The following RSRC1 variants were observed in gnomAD, a reference collection of about 807,000 sequenced individuals.
RSRC1 encodes the protein arginine and serine rich coiled-coil 1.
Under a neutral mutation model 49.1 loss-of-function variants are expected in RSRC1, and 39 were observed. The ratio of observed to expected loss-of-function variants is 0.79; its 90% CI spans 0.61 to 1.04. The LOEUF (loss-of-function observed/expected upper bound fraction) is 1.04. Ranked by LOEUF, RSRC1 falls within the 50% of genes least tolerant of loss-of-function variation. The pLI, the probability that RSRC1 is intolerant of heterozygous loss-of-function variation, is 0.00. For synonymous variants in RSRC1, 143 were observed against 130.8 expected (o/e 1.09, Z -0.63); for missense variants, 388 against 402.4 (o/e 0.96, Z 0.31).
chr3:158,281,104 A>G (rs1726134619), intron 4 of RSRC1, among the ~76,000 whole-genome samples: 2 of 113,372 alleles, frequency 1.8e-5, no homozygotes, highest in South Asian at 6.3e-4. Context: ...GTTGATATAA[A>G]TATAGATAGT....
At chr3:158,529,098 A>T (rs1010954830) in intron 7 of RSRC1, among the ~76,000 whole-genome samples, 1 of 151,380 alleles carries the variant, frequency 6.6e-6, no homozygotes, top group African/African-American at 2.4e-5. Flanking sequence ...CCCTTTAAAA[A>T]TTTCAAATGT....
chr3:158,331,237 A>G (rs1370115797), intron 5 of RSRC1, among the ~76,000 whole-genome samples: 1 of 152,222 alleles, frequency 6.6e-6, no homozygotes, highest in Non-Finnish European at 1.5e-5. Context: ...GCTGTCATTT[A>G]TATTTTTCAC....
At chr3:158,521,704 A>G (rs1000660087) in intron 7 of RSRC1, among the ~76,000 whole-genome samples, 37 of 151,190 alleles carry the variant, frequency 2.4e-4, no homozygotes, top group African/African-American at 8.5e-4. Flanking sequence ...TTATATTGCA[A>G]TTTTATGACT....
chr3:158,330,335 A>G (rs1309088507), intron 5 of RSRC1, among the ~76,000 whole-genome samples: 1 of 152,222 alleles, frequency 6.6e-6, no homozygotes, highest in African/African-American at 2.4e-5. Context: ...GGAGCTGTAG[A>G]CTGGAGCTGT....
At chr3:158,536,023 C>G (rs1277552006) in intron 7 of RSRC1, among the ~76,000 whole-genome samples, 1 of 151,334 alleles carries the variant, frequency 6.6e-6, no homozygotes, top group Non-Finnish European at 1.5e-5. Context: ...AAGCAACAAA[C>G]AATGTTGCTA....
intron 6 of RSRC1, among the ~76,000 whole-genome samples, chr3:158,357,750 C>T (rs1476995123): frequency 1.3e-5 from 2 of 152,066 alleles, no homozygotes; most frequent in African/African-American, 4.8e-5. Flanking sequence ...TCTAGTAGTA[C>T]CCATTGTCAC....
chr3:158,269,564 G>A (rs1034416177), intron 4 of RSRC1, among the ~76,000 whole-genome samples: 14 of 151,854 alleles, frequency 9.2e-5, no homozygotes, highest in Non-Finnish European at 1.6e-4. Flanking sequence ...CCAGGCTGAA[G>A]TGCAGTGGCA....
intron 5 of RSRC1, among the ~76,000 whole-genome samples, chr3:158,347,977 A>C (rs1412397529): frequency 6.6e-6 from 1 of 152,252 alleles, no homozygotes; most frequent in African/African-American, 2.4e-5. Flanking sequence ...TAATAATCAC[A>C]TCAGAGTAAA....
intron 4 of RSRC1, among the ~76,000 whole-genome samples, chr3:158,230,342 C>T (rs552383670): frequency 6.8e-4 from 104 of 152,208 alleles, no homozygotes; most frequent in African/African-American, 2.5e-3. Flanking sequence ...TTGATCATTT[C>T]ATGAAGGTCC....
At chr3:158,294,349 T>G (rs1048324002) in intron 4 of RSRC1, among the ~76,000 whole-genome samples, 4 of 152,174 alleles carry the variant, frequency 2.6e-5, no homozygotes, top group Non-Finnish European at 5.9e-5. Flanking sequence ...TAATACCCAC[T>G]ATCATATATT....
chr3:158,315,460 A>T (rs576161896), intron 5 of RSRC1, among the ~76,000 whole-genome samples: 2 of 152,310 alleles, frequency 1.3e-5, no homozygotes, highest in African/African-American at 4.8e-5. Flanking sequence ...TAAGAAAGAG[A>T]TAGGCTATAT....
intron 4 of RSRC1, among the ~76,000 whole-genome samples, chr3:158,245,993 T>C (rs1723865393): frequency 6.6e-6 from 1 of 152,182 alleles, no homozygotes; most frequent in Admixed American, 6.5e-5. Flanking sequence ...TGTATCCATC[T>C]TGCCATTGTG....
intron 6 of RSRC1, among the ~76,000 whole-genome samples, chr3:158,435,430 C>T (rs1735993629): frequency 6.6e-6 from 1 of 151,424 alleles, no homozygotes; most frequent in South Asian, 2.1e-4. Context: ...GAAAATTGTT[C>T]CTTATGTATC....
At chr3:158,505,086 AT>A (rs1216669854) in intron 7 of RSRC1, among the ~76,000 whole-genome samples, 1 of 152,252 alleles carries the variant, frequency 6.6e-6, no homozygotes, top group Non-Finnish European at 1.5e-5. Flanking sequence ...ACAGTTGTTC[AT>A]TACACAGTTG....
chr3:158,146,635 T>C (rs1215534272), intron 3 of RSRC1, among the ~76,000 whole-genome samples: 1 of 152,202 alleles, frequency 6.6e-6, no homozygotes, highest in African/African-American at 2.4e-5. Context: ...AGGATGATGC[T>C]GGCCTCATAA....
chr3:158,500,228 G>C (rs1018131507), intron 7 of RSRC1, among the ~76,000 whole-genome samples: 3 of 152,056 alleles, frequency 2.0e-5, no homozygotes, highest in African/African-American at 7.2e-5. Flanking sequence ...CTTCATCATG[G>C]TGGGTTATCT....
At chr3:158,425,845 G>T (rs1578462713) in intron 6 of RSRC1, among the ~76,000 whole-genome samples, 1 of 151,672 alleles carries the variant, frequency 6.6e-6, no homozygotes, top group African/African-American at 2.4e-5. Context: ...ATAGCAAATT[G>T]CCAAGTTTAA....
At chr3:158,275,836 A>C in intron 4 of RSRC1, 2 of 535,540 alleles carry the variant, frequency 3.7e-6, no homozygotes, top group Non-Finnish European at 6.6e-6. Context: ...GCTGGAGAGT[A>C]TTGCGCCTTC....
At chr3:158,440,731 G>A (rs1169967805) in intron 6 of RSRC1, among the ~76,000 whole-genome samples, 1 of 151,944 alleles carries the variant, frequency 6.6e-6, no homozygotes, top group Non-Finnish European at 1.5e-5. Flanking sequence ...ATCACCTGAG[G>A]TCAGGAGTTT....
Sources: allele counts gnomAD v4.1 joint callset (sites outside exome capture counted in the v4.1 genomes callset), GRCh38; gene constraint gnomAD v4.1.1; transcripts MANE v1.5; gene names NCBI Gene and HGNC (gene_info 2026-07-23, HGNC 2026-07-21).